Variants in CERS6 observed in about 807,000 individuals in gnomAD.
CERS6 encodes the protein LAG1 homolog, ceramide synthase 6.
A neutral mutation model predicts 56.8 loss-of-function variants in CERS6; 26 were observed. The ratio of observed to expected loss-of-function variants is 0.46; its 90% CI spans 0.34 to 0.63. The LOEUF (loss-of-function observed/expected upper bound fraction) is 0.63, where lower values mean the gene tolerates loss of function less well. Among genes scored for constraint, CERS6 ranks in the 30% least tolerant of loss-of-function variants. The probability of loss-of-function intolerance (pLI) is 0.01; values close to 1 mark genes in which losing one functional copy is unlikely to be tolerated. For synonymous variants in CERS6, 164 were observed against 173.3 expected (o/e 0.95, Z 0.42); for missense variants, 415 against 467.5 (o/e 0.89, Z 1.04).
In CERS6 at chr2:168,510,578, C is replaced by T. The variant is rs553642687; in HGVS notation, c.171-37018C>T. The stretch of plus-strand genomic sequence containing the variant: ...TAAAATTGCCTGACAGTGCATTTCT[C>T]AGAGCATGCCCTGATCGTTAAGTGA... On this transcript the variant is annotated intron_variant, in intron 1 of 9. Coordinates refer to ENST00000305747, the MANE Select transcript of CERS6 (RefSeq NM_203463.3). 8.5e-5 allele frequency among the ~76,000 whole-genome samples: 13 copies of T among 152,316 alleles called. No homozygotes were observed. The South Asian group carries it at 2.7e-3, about 32-fold the overall frequency.
chr2:168,657,523 G>C (rs1685513085), intron 4 of CERS6, among the ~76,000 whole-genome samples: 1 of 152,250 alleles, frequency 6.6e-6, no homozygotes, highest in African/African-American at 2.4e-5. Flanking sequence ...GGCCACACAG[G>C]AGCCCATGGA....
chr2:168,596,555 C>CCCCT (rs766580344), intron 3 of CERS6, among the ~76,000 whole-genome samples: 7 of 114,834 alleles, frequency 6.1e-5, no homozygotes, highest in African/African-American at 2.9e-4. Flanking sequence ...ATCCCCCCCC[C>CCCCT]TTTTTTTTTT....
chr2:168,622,798 C>G (rs1684504451), intron 3 of CERS6, among the ~76,000 whole-genome samples: 2 of 152,204 alleles, frequency 1.3e-5, no homozygotes, highest in Admixed American at 6.5e-5. Flanking sequence ...AAATGTTTGT[C>G]TTAAAGCAAG....
chr2:168,734,491 A>G (rs1024888125), intron 8 of CERS6, among the ~76,000 whole-genome samples: 1 of 152,244 alleles, frequency 6.6e-6, no homozygotes, highest in Non-Finnish European at 1.5e-5. Flanking sequence ...GCCACTATAA[A>G]TAGGAAGCTA....
intron 4 of CERS6, among the ~76,000 whole-genome samples, chr2:168,688,739 G>A (rs1686420979): frequency 6.6e-6 from 1 of 152,132 alleles, no homozygotes; most frequent in African/African-American, 2.4e-5. Flanking sequence ...CTGAACTTGG[G>A]CCCTGGTAGC....
chr2:168,768,333 A>G (rs1049239709), intron 9 of CERS6, among the ~76,000 whole-genome samples: 25 of 151,486 alleles, frequency 1.7e-4, no homozygotes, highest in African/African-American at 6.1e-4. Flanking sequence ...GGGCTCAAGC[A>G]ATTCTCCTGC....
At chr2:168,535,354 C>A (rs1174634877) in intron 1 of CERS6, among the ~76,000 whole-genome samples, 1 of 152,202 alleles carries the variant, frequency 6.6e-6, no homozygotes, top group Non-Finnish European at 1.5e-5. Flanking sequence ...CGAGTGGGAT[C>A]TTCTGATCCA....
chr2:168,563,531 C>G (rs182630612), intron 3 of CERS6, among the ~76,000 whole-genome samples: 1 of 152,306 alleles, frequency 6.6e-6, no homozygotes, highest in African/African-American at 2.4e-5. Context: ...GGTGCAGTGG[C>G]TCACGCCTGT....
intron 3 of CERS6, among the ~76,000 whole-genome samples, chr2:168,584,068 C>T (rs935124964): frequency 2.0e-5 from 3 of 152,126 alleles, no homozygotes; most frequent in Non-Finnish European, 4.4e-5. Context: ...AGCAGTTTAC[C>T]CACGATAGGT....
chr2:168,561,919 A>G (rs1375996045), intron 3 of CERS6, among the ~76,000 whole-genome samples: 1 of 152,196 alleles, frequency 6.6e-6, no homozygotes, highest in Non-Finnish European at 1.5e-5. Flanking sequence ...GAGCTCTTCC[A>G]GCACAGTGAT....
intron 1 of CERS6, among the ~76,000 whole-genome samples, chr2:168,523,933 A>G (rs542697155): frequency 1.3e-5 from 2 of 152,274 alleles, no homozygotes; most frequent in African/African-American, 4.8e-5. Flanking sequence ...ACAGCAGTAG[A>G]TGGATGAAAA....
At chr2:168,543,051 G>A (rs909176411) in intron 1 of CERS6, among the ~76,000 whole-genome samples, 9 of 152,146 alleles carry the variant, frequency 5.9e-5, no homozygotes, top group South Asian at 2.1e-4. Context: ...GCTTTCTTCC[G>A]TACTTTGTGC....
In CERS6 at chr2:168,656,603, C is replaced by A. The variant is rs927387259; in HGVS notation, c.465+25561C>A. On this transcript the variant is annotated intron_variant, in intron 4 of 9. Coordinates refer to ENST00000305747, the MANE Select transcript of CERS6 (RefSeq NM_203463.3). Reference sequence around the variant, plus strand: ...TCCTCCCGGTGGGCTCGTGGTCTTGCTGGGCTCAGGAGTGAAGCTGCAGAT... The same window carrying A: ...TCCTCCCGGTGGGCTCGTGGTCTTGATGGGCTCAGGAGTGAAGCTGCAGAT... Among the ~76,000 whole-genome samples, 3 of 151,892 alleles carry A rather than the reference C, an allele frequency of 2.0e-5. No individual in the cohort carries two copies. In the East Asian group the frequency reaches 5.8e-4, roughly 29 times the overall value.
At chr2:168,662,227 TAAA>T (rs1469873661) in intron 4 of CERS6, among the ~76,000 whole-genome samples, 2 of 152,116 alleles carry the variant, frequency 1.3e-5, no homozygotes, top group Non-Finnish European at 2.9e-5. Flanking sequence ...CTAACCAACT[TAAA>T]AACCATTTTG....
intron 4 of CERS6, among the ~76,000 whole-genome samples, chr2:168,637,794 G>A (rs1056169060): frequency 6.6e-6 from 1 of 152,072 alleles, no homozygotes; most frequent in Admixed American, 6.5e-5. Context: ...TGGTAGTAAT[G>A]TAATGGATAA....
At chr2:168,605,458 T>C (rs1684030549) in intron 3 of CERS6, among the ~76,000 whole-genome samples, 1 of 152,114 alleles carries the variant, frequency 6.6e-6, no homozygotes, top group East Asian at 1.9e-4. Flanking sequence ...CCTGGCCATG[T>C]GGTAGAAAAG....
At chr2:168,495,158 A>G (rs1271114209) in intron 1 of CERS6, among the ~76,000 whole-genome samples, 3 of 152,208 alleles carry the variant, frequency 2.0e-5, no homozygotes, top group Non-Finnish European at 4.4e-5. Context: ...ACATAGCTTT[A>G]TACTTGTGAT....
intron 4 of CERS6, among the ~76,000 whole-genome samples, chr2:168,664,372 A>C (rs1863145): frequency 0.015 from 2,252 of 152,048 alleles, 68 homozygotes; most frequent in African/African-American, 0.051. Context: ...AGGGCAGTGA[A>C]CTGGGAGGGT....
chr2:168,514,872 T>G (rs928310420), intron 1 of CERS6, among the ~76,000 whole-genome samples: 1 of 152,150 alleles, frequency 6.6e-6, no homozygotes, highest in South Asian at 2.1e-4. Context: ...GTTGAAGAAG[T>G]TGAATCATAT....
Sources: gnomAD v4.1 joint callset for allele counts (sites outside exome capture counted in the v4.1 genomes callset) on GRCh38, gnomAD v4.1.1 for gene constraint, MANE v1.5 for transcripts, NCBI Gene and HGNC (gene_info 2026-07-23, HGNC 2026-07-21) for gene names.